Variants in AFG2A observed in about 807,000 individuals in gnomAD.
The protein encoded by AFG2A is AAA ATPase AFG2A.
At chr4:122,935,431 G>T in the AFG2A span, among the ~76,000 whole-genome samples, 1 of 151,304 alleles carries the variant, frequency 6.6e-6, no homozygotes, top group Admixed American at 6.6e-5. Flanking sequence ...TCATTGATCT[G>T]TGTTGTGTGG....
the AFG2A span, among the ~76,000 whole-genome samples, chr4:123,099,873 C>T: frequency 6.6e-6 from 1 of 151,600 alleles, no homozygotes; most frequent in African/African-American, 2.4e-5. Flanking sequence ...GTTGTATGCC[C>T]TTTTTAGTAT....
chr4:122,968,522 C>T, the AFG2A span, among the ~76,000 whole-genome samples: 1 of 152,204 alleles, frequency 6.6e-6, no homozygotes, highest in Non-Finnish European at 1.5e-5. Context: ...GTTTTGCCTT[C>T]TCTTCTTTCA....
the AFG2A span, among the ~76,000 whole-genome samples, chr4:123,001,503 G>A: frequency 1.3e-5 from 2 of 150,938 alleles, no homozygotes; most frequent in East Asian, 1.9e-4. Flanking sequence ...GGTATGTTGT[G>A]TCTTTGTTCT....
the AFG2A span, among the ~76,000 whole-genome samples, chr4:122,936,587 G>A: frequency 5.3e-5 from 8 of 152,208 alleles, no homozygotes; most frequent in Admixed American, 2.6e-4. Flanking sequence ...GCTCATGCCT[G>A]TAATACCATC....
chr4:123,224,454 T>C, the AFG2A span, among the ~76,000 whole-genome samples: 4 of 151,692 alleles, frequency 2.6e-5, no homozygotes, highest in South Asian at 2.1e-4. Context: ...AGTGAGAACA[T>C]GCGGTGTTTG....
the AFG2A span, among the ~76,000 whole-genome samples, chr4:123,152,288 A>C: frequency 6.6e-6 from 1 of 152,312 alleles, no homozygotes; most frequent in Non-Finnish European, 1.5e-5. Flanking sequence ...GTATCCCAGA[A>C]CTTAAAGTAT....
chr4:123,058,662 G>C, the AFG2A span, among the ~76,000 whole-genome samples: 1 of 152,152 alleles, frequency 6.6e-6, no homozygotes, highest in Non-Finnish European at 1.5e-5. Flanking sequence ...GATCTCGTGA[G>C]ACTGATTCAC....
At chr4:123,155,055 CT>C in the AFG2A span, among the ~76,000 whole-genome samples, 1 of 151,594 alleles carries the variant, frequency 6.6e-6, no homozygotes, top group Admixed American at 6.6e-5. Context: ...TGTTTCTTTC[CT>C]GTTGAGTATC....
At chr4:123,041,361 T>C in the AFG2A span, among the ~76,000 whole-genome samples, 1 of 149,816 alleles carries the variant, frequency 6.7e-6, no homozygotes, top group Admixed American at 6.7e-5. Context: ...GACCTCATGA[T>C]CCACCCACCT....
At chr4:123,301,481 T>A in the AFG2A span, among the ~76,000 whole-genome samples, 1 of 152,218 alleles carries the variant, frequency 6.6e-6, no homozygotes, top group South Asian at 2.1e-4. Context: ...GAATATCTTA[T>A]GTAATTGGGA....
At chr4:123,279,057 G>A in the AFG2A span, among the ~76,000 whole-genome samples, 1 of 152,134 alleles carries the variant, frequency 6.6e-6, no homozygotes, top group Non-Finnish European at 1.5e-5. Context: ...CCATGTCAAA[G>A]AAATCTGAAA....
At chr4:123,103,080 T>A in the AFG2A span, among the ~76,000 whole-genome samples, 1 of 151,816 alleles carries the variant, frequency 6.6e-6, no homozygotes, top group Admixed American at 6.6e-5. Flanking sequence ...TGACACAAGA[T>A]GGTGATGTTC....
chr4:123,082,317 G>T, the AFG2A span, among the ~76,000 whole-genome samples: 1 of 152,138 alleles, frequency 6.6e-6, no homozygotes, highest in South Asian at 2.1e-4. Context: ...GAAGTGTAAG[G>T]GATGTGTCTA....
chr4:122,995,453 G>C, the AFG2A span, among the ~76,000 whole-genome samples: 1 of 152,116 alleles, frequency 6.6e-6, no homozygotes, highest in African/African-American at 2.4e-5. Context: ...TGGGAAAGTA[G>C]ATTACTTTTT....
the AFG2A span, among the ~76,000 whole-genome samples, chr4:123,001,771 G>T: frequency 6.6e-6 from 1 of 152,230 alleles, no homozygotes; most frequent in East Asian, 1.9e-4. Context: ...TGAGAAGAAT[G>T]TATATTCTGT....
the AFG2A span, among the ~76,000 whole-genome samples, chr4:123,007,587 TG>T: frequency 2.8e-4 from 1 of 3,628 alleles, no homozygotes; most frequent in South Asian, 0.013. Context: ...TGTGTGTGTG[TG>T]TGTGTGTGTG....
chr4:122,999,156 G>T, the AFG2A span, among the ~76,000 whole-genome samples: 6 of 115,122 alleles, frequency 5.2e-5, no homozygotes, highest in East Asian at 2.7e-4. Flanking sequence ...TGTTGATGGG[G>T]TTGTTTTTTT....
the AFG2A span, among the ~76,000 whole-genome samples, chr4:122,969,568 T>G: frequency 6.6e-6 from 1 of 152,202 alleles, no homozygotes; most frequent in Non-Finnish European, 1.5e-5. Flanking sequence ...GCACTTTGCA[T>G]TCCCATAGAA....
the AFG2A span, among the ~76,000 whole-genome samples, chr4:123,145,321 A>G: frequency 6.8e-6 from 1 of 146,666 alleles, no homozygotes; most frequent in Non-Finnish European, 1.5e-5. Context: ...GAAGAGGAAC[A>G]TACAGAGTAA....
Sources: gnomAD v4.1 joint callset for allele counts (sites outside exome capture counted in the v4.1 genomes callset) on GRCh38, gnomAD v4.1.1 for gene constraint, MANE v1.5 for transcripts, NCBI Gene and HGNC (gene_info 2026-07-23, HGNC 2026-07-21) for gene names.